The following NARS2 variants were observed in gnomAD, a reference collection of about 807,000 sequenced individuals.
The protein encoded by NARS2 is asparaginyl-tRNA synthetase 2, mitochondrial.
In NARS2, 60 loss-of-function variants were observed where a neutral mutation model predicts 62.9. The ratio of observed to expected loss-of-function variants is 0.95; its 90% confidence interval spans 0.77 to 1.18. The LOEUF is 1.18. Ranked by LOEUF, NARS2 falls within the 50% of genes most tolerant of loss-of-function variation. NARS2 has a pLI of 0.00. For missense variants in NARS2, 619 were observed against 576.4 expected (o/e 1.07, Z -0.76); for synonymous variants, 196 against 200.0 (o/e 0.98, Z 0.17).
intron 6 of NARS2, among the ~76,000 whole-genome samples, chr11:78,513,609 C>G (rs1007798380): frequency 2.0e-5 from 3 of 151,786 alleles, no homozygotes; most frequent in African/African-American, 7.3e-5. Flanking sequence ...AAAACCACGT[C>G]TCTACTAAAT....
In NARS2 at chr11:78,470,611, ATTAG is replaced by A. The variant is rs1183386659; in HGVS notation, c.960-1302_960-1299del. Among the ~76,000 whole-genome samples, 7 of 152,284 alleles carry A rather than the reference ATTAG, an allele frequency of 4.6e-5. No homozygotes were observed. In the East Asian group the frequency reaches 5.8e-4, roughly 13 times the overall value. On this transcript the variant is annotated intron_variant, in intron 9 of 13. Transcript: ENST00000281038. ...TATTCTATTTTGTGGATGTGTCATA[ATTAG>A]TTAACCAGTGACCTGATATTTCACG...
At chr11:78,545,316 A>C (rs1233644058) in intron 5 of NARS2, among the ~76,000 whole-genome samples, 1 of 152,062 alleles carries the variant, frequency 6.6e-6, no homozygotes, top group African/African-American at 2.4e-5. Context: ...TATAATTTGC[A>C]CCTACTCCCA....
At chr11:78,552,939 G>T (rs1340777769) in intron 5 of NARS2, among the ~76,000 whole-genome samples, 1 of 152,150 alleles carries the variant, frequency 6.6e-6, no homozygotes, top group African/African-American at 2.4e-5. Flanking sequence ...GCTTCACAAT[G>T]ATAAAATGCT....
intron 12 of NARS2, 138 bp downstream of exon 12, chr11:78,443,523 C>G (rs1181723272): frequency 2.1e-6 from 1 of 487,762 alleles, no homozygotes; most frequent in African/African-American, 1.9e-5. Flanking sequence ...ACAACTTGCT[C>G]AAGGACATAG....
intron 10 of NARS2, among the ~76,000 whole-genome samples, chr11:78,468,505 T>G (rs1222255464): frequency 2.7e-5 from 4 of 150,732 alleles, no homozygotes; most frequent in African/African-American, 9.7e-5. Context: ...CCCGGGTTCA[T>G]GCCATTCTCC....
chr11:78,500,651 T>C (rs1860246484), intron 6 of NARS2, among the ~76,000 whole-genome samples: 1 of 152,206 alleles, frequency 6.6e-6, no homozygotes, highest in Non-Finnish European at 1.5e-5. Flanking sequence ...TTAAAAATTT[T>C]TTTATAGATG....
chr11:78,551,218 T>A (rs1325207816), intron 5 of NARS2, among the ~76,000 whole-genome samples: 1 of 152,194 alleles, frequency 6.6e-6, no homozygotes, highest in African/African-American at 2.4e-5. Flanking sequence ...GCAGACACGT[T>A]CTGAGAAATG....
chr11:78,439,386 T>C lies in NARS2; in HGVS notation c.1289+1705A>G, dbSNP rs557088383. 2.6e-5 allele frequency among the ~76,000 whole-genome samples: 4 copies of C among 152,228 alleles called. No individual in the cohort carries two copies. In the South Asian group the frequency reaches 8.3e-4, roughly 32 times the overall value. ...CTAGTGGTTTAGCTTTTTTTAAGGC[T>C]AGTTTTTACAAACTATAAAATACAT... On this transcript the variant is annotated intron_variant, in intron 13 of 13. Coordinates refer to ENST00000281038, the MANE Select transcript of NARS2 (RefSeq NM_024678.6).
chr11:78,507,678 C>A (rs1188487239), intron 6 of NARS2, among the ~76,000 whole-genome samples: 1 of 152,028 alleles, frequency 6.6e-6, no homozygotes, highest in Non-Finnish European at 1.5e-5. Context: ...TGACACCATG[C>A]CTGGCTAATT....
intron 1 of NARS2, chr11:78,573,672 T>C (rs190350139): frequency 6.6e-6 from 1 of 152,444 alleles, no homozygotes; most frequent in East Asian, 1.9e-4. Context: ...CAGCTAACAT[T>C]TGTAGACTAT....
intron 7 of NARS2, among the ~76,000 whole-genome samples, chr11:78,491,737 G>A (rs540581270): frequency 1.3e-5 from 2 of 152,150 alleles, no homozygotes; most frequent in Admixed American, 1.3e-4. Context: ...TATGAATACT[G>A]TTCTCAAGAG....
Position 78,573,719 on chromosome 11 carries a change from A to G in NARS2, c.141+629T>C, listed in dbSNP as rs978587351. Among the ~76,000 whole-genome samples the G allele has an allele frequency of 1.3e-4, 20 of 152,192 alleles. 1 individual carries two copies. The highest frequency in any genetic ancestry group is 2.8e-4 in the Non-Finnish European group (19 of 68,042). ...CTAAATATCTTACTTCCATTACCTC[A>G]TTTAATTTTCAGGACTCAGGGACAA... is the stretch of plus-strand genomic sequence containing the variant. On this transcript the variant is annotated intron_variant, in intron 1 of 13. Transcript: ENST00000281038.
intron 5 of NARS2, among the ~76,000 whole-genome samples, chr11:78,552,423 T>A (rs1856163121): frequency 6.6e-6 from 1 of 152,210 alleles, no homozygotes; most frequent in Admixed American, 6.5e-5. Context: ...CTCCGTATCT[T>A]TGCTATTGTG....
chr11:78,460,677 T>C (rs1858359229), intron 11 of NARS2, among the ~76,000 whole-genome samples: 1 of 152,106 alleles, frequency 6.6e-6, no homozygotes, highest in Admixed American at 6.6e-5. Flanking sequence ...ATACAGAATA[T>C]TGAAAGAAGA....
At position 78,480,289 on chromosome 11, in the gene NARS2, G is replaced by A. The variant is rs925191901; in HGVS notation, c.823-1606C>T. Among the ~76,000 whole-genome samples the A allele has an allele frequency of 3.9e-5, 6 of 151,914 alleles. No homozygotes were observed. The East Asian group carries it at 5.8e-4, about 15-fold the overall frequency. Reference sequence around the variant, plus strand: ...TTATTTATTTATTGTTTTTTTAGACGGAGTCTTGCTCTCTCACGCAGGCAG... The same window carrying A: ...TTATTTATTTATTGTTTTTTTAGACAGAGTCTTGCTCTCTCACGCAGGCAG... On this transcript the variant is annotated intron_variant, in intron 7 of 13. Coordinates refer to ENST00000281038, the MANE Select transcript of NARS2 (RefSeq NM_024678.6).
intron 5 of NARS2, among the ~76,000 whole-genome samples, chr11:78,554,795 C>T: frequency 6.6e-6 from 1 of 152,132 alleles, no homozygotes; most frequent in Non-Finnish European, 1.5e-5. Flanking sequence ...CTAGGACTTC[C>T]AATACTATGT....
intron 5 of NARS2, chr11:78,555,377 G>A (rs986045959): frequency 6.6e-6 from 1 of 152,122 alleles, no homozygotes; most frequent in Admixed American, 6.6e-5. Context: ...TTGGTTGGTA[G>A]ACTATTTATT....
intron 2 of NARS2, 101 bp downstream of exon 2, chr11:78,571,234 A>C (rs746531298): frequency 4.4e-6 from 3 of 687,616 alleles, no homozygotes; most frequent in Non-Finnish European, 7.8e-6. Flanking sequence ...CTGTTTCAAA[A>C]GATTACTCAG....
intron 11 of NARS2, among the ~76,000 whole-genome samples, chr11:78,446,843 G>A (rs1857778092): frequency 6.6e-6 from 1 of 152,090 alleles, no homozygotes; most frequent in East Asian, 1.9e-4. Flanking sequence ...CCAGACAAAT[G>A]AGACAGTATC....
Sources: allele counts gnomAD v4.1 joint callset (sites outside exome capture counted in the v4.1 genomes callset), GRCh38; gene constraint gnomAD v4.1.1; transcripts MANE v1.5; gene names NCBI Gene and HGNC (gene_info 2026-07-23, HGNC 2026-07-21).